Variants in CDS2 observed in about 807,000 individuals in gnomAD.
CDS2 encodes the protein CDP-diacylglycerol synthase 2.
CDS2 carries 47 observed loss-of-function variants against 59.0 expected under a neutral mutation model. The ratio of observed to expected loss-of-function variants is 0.80; its 90% confidence interval spans 0.63 to 1.02. The LOEUF is 1.02. Ranked by LOEUF, CDS2 falls within the 50% of genes least tolerant of loss-of-function variation. The pLI, the probability that CDS2 is intolerant of heterozygous loss-of-function variation, is 0.00. For missense variants in CDS2, 356 were observed against 558.9 expected (o/e 0.64, Z 3.66); for synonymous variants, 207 against 206.4 (o/e 1.00, Z -0.02).
At chr20:5,183,693 C>G (rs913779066) in intron 7 of CDS2, among the ~76,000 whole-genome samples, 2 of 152,160 alleles carry the variant, frequency 1.3e-5, no homozygotes, top group Admixed American at 6.5e-5. Context: ...CCCATTTCTG[C>G]TACGATTATA....
At chr20:5,180,338 GAAAGT>G (rs2091024893) in intron 5 of CDS2, among the ~76,000 whole-genome samples, 1 of 151,612 alleles carries the variant, frequency 6.6e-6, no homozygotes, top group African/African-American at 2.4e-5. Context: ...AGTTTATTAA[GAAAGT>G]AAAGGAATAA....
intron 4 of CDS2, among the ~76,000 whole-genome samples, chr20:5,177,149 A>G (rs892254478): frequency 2.6e-5 from 4 of 152,014 alleles, no homozygotes; most frequent in Non-Finnish European, 5.9e-5. Context: ...TTGCCTCGCT[A>G]TTTGGATTCC....
In CDS2 at chr20:5,196,346, T is replaced by C. The variant is rs868140845; in HGVS notation, c.*6112T>C. The C allele has an allele frequency of 1.3e-5, 2 of 152,206 alleles. No individual in the cohort carries two copies. Among genetic ancestry groups the C allele is most frequent in the African/African-American group, 2.4e-5 (1 of 41,502 alleles). 9.4% of individuals were successfully genotyped at this position (152,206 alleles called of 1,614,324 possible). ...ATAGACCTAGGCAGCCTTGTATCCA[T>C]AGAAAGCCTCCACTGCTGGGCCGGG... is the stretch of plus-strand genomic sequence containing the variant. On this transcript the variant is annotated 3_prime_UTR_variant, in exon 13 of 13. Coordinates refer to ENST00000460006, the MANE Select transcript of CDS2 (RefSeq NM_003818.4).
chr20:5,197,016 C>A lies in CDS2; in HGVS notation c.*6782C>A, dbSNP rs974042288. 7 of 152,256 alleles carry A rather than the reference C, an allele frequency of 4.6e-5. No homozygotes were observed. Among genetic ancestry groups the A allele is most frequent in the Non-Finnish European group, 7.3e-5 (5 of 68,030 alleles). 9.4% of individuals were successfully genotyped at this position (152,256 alleles called of 1,614,324 possible). A position where few individuals can be genotyped will look rare whatever the true frequency, so the allele number is the denominator to read the frequency against. On this transcript the variant is annotated 3_prime_UTR_variant, in exon 13 of 13. Transcript: ENST00000460006. ...AGTGGAGGGCAGACTCTAACAGATG[C>A]CAGCTGAACGCTCGCTGGCCCTGGA...
chr20:5,145,245 C>G lies in CDS2; in HGVS notation c.57+18096C>G, dbSNP rs1312740153. Among the ~76,000 whole-genome samples the G allele has an allele frequency of 5.2e-4, 60 of 115,980 alleles. 1 individual carries two copies. The highest frequency in any genetic ancestry group is 2.9e-3 in the South Asian group (7 of 2,410). 76.1% of individuals were successfully genotyped at this position (115,980 alleles called of 152,430 possible). ...TGGGTAGAAAGGAAAGACCCCCCCC[C>G]CCGCCCCCGCCACCAAATCCAAGAA... On this transcript the variant is annotated intron_variant, in intron 1 of 12. Transcript: ENST00000460006.
chr20:5,137,509 C>CT (rs2090658033), intron 1 of CDS2, among the ~76,000 whole-genome samples: 1 of 152,044 alleles, frequency 6.6e-6, no homozygotes, highest in African/African-American at 2.4e-5. Flanking sequence ...TCCCAAAGTG[C>CT]TGAGATTACA....
chr20:5,182,543 C>A, intron 6 of CDS2, 98 bp downstream of exon 6: 1 of 1,104,426 alleles, frequency 9.1e-7, no homozygotes, highest in Non-Finnish European at 1.3e-6. Flanking sequence ...CAAATCAAAA[C>A]TCAGGAACAT....
At chr20:5,182,893 A>G (rs891789462) in intron 6 of CDS2, among the ~76,000 whole-genome samples, 168 bp from the exon 7 acceptor site, 1 of 152,246 alleles carries the variant, frequency 6.6e-6, no homozygotes, top group Non-Finnish European at 1.5e-5. Flanking sequence ...GGGACAAAGT[A>G]TTACTCTCAG....
intron 7 of CDS2, among the ~76,000 whole-genome samples, chr20:5,183,646 C>T (rs1213380109): frequency 6.6e-6 from 1 of 152,108 alleles, no homozygotes; most frequent in Non-Finnish European, 1.5e-5. Flanking sequence ...AACCTTTATA[C>T]CAAAGCCAAT....
intron 1 of CDS2, among the ~76,000 whole-genome samples, chr20:5,148,120 A>G (rs1009957601): frequency 2.6e-5 from 4 of 152,210 alleles, no homozygotes; most frequent in Admixed American, 6.5e-5. Context: ...GAAGAGAGCT[A>G]GTAATGGGGC....
chr20:5,184,821 C>T lies in CDS2; in HGVS notation c.672-37C>T. 2 of 1,496,512 alleles carry T rather than the reference C, an allele frequency of 1.3e-6. No homozygotes were observed. Among genetic ancestry groups the T allele is most frequent in the Non-Finnish European group, 1.9e-6 (2 of 1,073,210 alleles). The allele number at this position is 1,496,512 out of a possible 1,614,324, so 92.7% of individuals were successfully genotyped here. A position where few individuals can be genotyped will look rare whatever the true frequency, so the allele number is the denominator to read the frequency against. ...TTGTGTACTTTTGAGGTACTGTCAC[C>T]TTGCTTGAGTTGATCCTTACTTTGG... On this transcript the variant is annotated intron_variant, in intron 7 of 12. Coordinates refer to ENST00000460006, the MANE Select transcript of CDS2 (RefSeq NM_003818.4). The surrounding 1 kb of genome is among the most constrained non-coding windows in gnomAD (Gnocchi z 4.3).
At chr20:5,151,237 A>G (rs1204532776) in intron 1 of CDS2, among the ~76,000 whole-genome samples, 1 of 152,232 alleles carries the variant, frequency 6.6e-6, no homozygotes, top group South Asian at 2.1e-4. Flanking sequence ...ATATTTCATT[A>G]AAAAGTACTT....
chr20:5,181,859 A>G (rs2091035722), intron 5 of CDS2, among the ~76,000 whole-genome samples: 5 of 152,204 alleles, frequency 3.3e-5, no homozygotes, highest in Admixed American at 2.0e-4. Flanking sequence ...AAAAGGTACT[A>G]TATGGTAATT....
At chr20:5,168,250 A>G (rs1417675054) in intron 1 of CDS2, among the ~76,000 whole-genome samples, 1 of 151,814 alleles carries the variant, frequency 6.6e-6, no homozygotes, top group Non-Finnish European at 1.5e-5. Flanking sequence ...CCCCATCTCT[A>G]CTAAAAATAT....
At chr20:5,157,866 C>T (rs4815767) in intron 1 of CDS2, among the ~76,000 whole-genome samples, 1 of 151,796 alleles carries the variant, frequency 6.6e-6, no homozygotes, top group Non-Finnish European at 1.5e-5. Context: ...TGCAGACCAC[C>T]GTAGGCCAAG....
intron 5 of CDS2, among the ~76,000 whole-genome samples, chr20:5,181,948 G>A (rs926066428): frequency 6.6e-6 from 1 of 152,180 alleles, no homozygotes; most frequent in Non-Finnish European, 1.5e-5. Context: ...TGTTGTTGAC[G>A]AGAACCTCGT....
At chr20:5,145,814 CTTTTTGTGTTT>C (rs1375479556) in intron 1 of CDS2, among the ~76,000 whole-genome samples, 176 of 127,160 alleles carry the variant, frequency 1.4e-3, no homozygotes, top group South Asian at 1.8e-3. Context: ...GTGTGTTTTG[CTTTTTGTGTTT>C]TTTTTTTTTT....
chr20:5,142,416 C>T (rs750072029), intron 1 of CDS2, among the ~76,000 whole-genome samples: 251 of 151,820 alleles, frequency 1.7e-3, no homozygotes, highest in Non-Finnish European at 2.3e-3. Context: ...CACTGCATTC[C>T]GACCTGGGTA....
At chr20:5,179,211 T>C (rs906977567) in intron 5 of CDS2, among the ~76,000 whole-genome samples, 1 of 146,624 alleles carries the variant, frequency 6.8e-6, no homozygotes, top group Non-Finnish European at 1.5e-5. Context: ...AACCTCCACC[T>C]CCCAAGTTGA....
Sources: allele counts gnomAD v4.1 joint callset (sites outside exome capture counted in the v4.1 genomes callset), GRCh38; gene constraint gnomAD v4.1.1; non-coding constraint Gnocchi (gnomAD v3.1); transcripts MANE v1.5; gene names NCBI Gene and HGNC (gene_info 2026-07-23, HGNC 2026-07-21).